LOC128092252: variants seen among roughly 807,000 people sequenced by gnomAD.
the LOC128092252 span, among the ~76,000 whole-genome samples, chr15:50,681,909 C>T: frequency 1.3e-5 from 2 of 152,050 alleles, no homozygotes; most frequent in Admixed American, 6.5e-5. Flanking sequence ...AAAGACTGTG[C>T]GGTGGCTCAC....
At chr15:50,657,892 T>C in the LOC128092252 span, 1 of 1,285,804 alleles carries the variant, frequency 7.8e-7, no homozygotes, top group Non-Finnish European at 1.1e-6. Flanking sequence ...ATAAAATACA[T>C]AAAATACAAA....
At chr15:50,679,165 C>G in the LOC128092252 span, among the ~76,000 whole-genome samples, 1 of 136,476 alleles carries the variant, frequency 7.3e-6, no homozygotes, top group African/African-American at 3.0e-5. Flanking sequence ...AACCACCGCA[C>G]CCAGTCAAAA....
chr15:50,663,273 C>T, the LOC128092252 span, among the ~76,000 whole-genome samples: 4 of 152,106 alleles, frequency 2.6e-5, no homozygotes, highest in Admixed American at 2.0e-4. Context: ...GCAGTACAGG[C>T]ATGTGCCACT....
the LOC128092252 span, among the ~76,000 whole-genome samples, chr15:50,668,330 C>T: frequency 6.6e-6 from 1 of 152,122 alleles, no homozygotes; most frequent in Non-Finnish European, 1.5e-5. Context: ...TTGCTTAAAA[C>T]GTCGCTGATC....
the LOC128092252 span, among the ~76,000 whole-genome samples, chr15:50,670,292 G>A: frequency 6.6e-6 from 1 of 152,134 alleles, no homozygotes; most frequent in South Asian, 2.1e-4. Flanking sequence ...TTGAATAGGG[G>A]CTGAGTAAAA....
At chr15:50,651,438 G>A in the LOC128092252 span, among the ~76,000 whole-genome samples, 7 of 152,088 alleles carry the variant, frequency 4.6e-5, no homozygotes, top group South Asian at 8.3e-4. Context: ...GAGGTCAGGA[G>A]ATCGAGACCA....
At chr15:50,678,356 G>A in the LOC128092252 span, among the ~76,000 whole-genome samples, 71 of 151,226 alleles carry the variant, frequency 4.7e-4, 1 homozygote, top group South Asian at 0.014. Context: ...TGACCAACAT[G>A]CCTGCCAAGG....
At chr15:50,653,016 T>A in the LOC128092252 span, among the ~76,000 whole-genome samples, 1,213 of 152,146 alleles carry the variant, frequency 8.0e-3, 20 homozygotes, top group African/African-American at 0.028. Context: ...CCAGGCATGG[T>A]GGCATGCACC....
At chr15:50,679,474 TTA>T in the LOC128092252 span, among the ~76,000 whole-genome samples, 66,658 of 120,672 alleles carry the variant, frequency 0.55, 19,319 homozygotes, top group Admixed American at 0.61. Flanking sequence ...TTTATTTCAT[TTA>T]TATATATATA....
the LOC128092252 span, among the ~76,000 whole-genome samples, chr15:50,669,732 T>C: frequency 2.5e-3 from 380 of 152,206 alleles, 2 homozygotes; most frequent in Non-Finnish European, 4.3e-3. Context: ...CAATTTAGGC[T>C]GACCTTGCTT....
the LOC128092252 span, among the ~76,000 whole-genome samples, chr15:50,654,087 A>G: frequency 6.6e-6 from 1 of 152,224 alleles, no homozygotes; most frequent in African/African-American, 2.4e-5. Flanking sequence ...AATTAATTTA[A>G]TCACCTGTCA....
chr15:50,686,518 G>C, the LOC128092252 span: 1 of 1,613,812 alleles, frequency 6.2e-7, no homozygotes, highest in Non-Finnish European at 8.5e-7. Context: ...CCGGGCCTGC[G>C]TGGGTCCAGT....
chr15:50,685,231 G>C, the LOC128092252 span, among the ~76,000 whole-genome samples: 375 of 152,358 alleles, frequency 2.5e-3, 2 homozygotes, highest in African/African-American at 8.6e-3. Context: ...GGGGGGCTGA[G>C]GCGGGCGGAT....
chr15:50,684,535 G>A, the LOC128092252 span, among the ~76,000 whole-genome samples: 1 of 152,018 alleles, frequency 6.6e-6, no homozygotes, highest in Non-Finnish European at 1.5e-5. Flanking sequence ...CAGCTACTCG[G>A]GAGGCTGAGG....
the LOC128092252 span, among the ~76,000 whole-genome samples, chr15:50,686,359 C>G: frequency 1.3e-5 from 2 of 152,224 alleles, no homozygotes; most frequent in Non-Finnish European, 2.9e-5. Context: ...GCCCCTCACC[C>G]CAGAACGAAC....
chr15:50,672,009 A>G, the LOC128092252 span, among the ~76,000 whole-genome samples: 1 of 152,090 alleles, frequency 6.6e-6, no homozygotes, highest in African/African-American at 2.4e-5. Context: ...TTACTAGACT[A>G]CGCTTTTTAT....
chr15:50,682,024 A>C, the LOC128092252 span, among the ~76,000 whole-genome samples: 1 of 152,142 alleles, frequency 6.6e-6, no homozygotes, highest in East Asian at 1.9e-4. Context: ...CTAAAAGTAC[A>C]AAAATTAGTC....
chr15:50,683,831 C>G, the LOC128092252 span, among the ~76,000 whole-genome samples: 1 of 152,068 alleles, frequency 6.6e-6, no homozygotes, highest in African/African-American at 2.4e-5. Flanking sequence ...GTACATAGTA[C>G]TATCTATGAG....
chr15:50,686,459 C>G, the LOC128092252 span: 1 of 1,613,254 alleles, frequency 6.2e-7, no homozygotes, highest in Non-Finnish European at 8.5e-7. Context: ...CACACACTTG[C>G]CTGCCAAGTC....
Sources: allele counts gnomAD v4.1 joint callset (sites outside exome capture counted in the v4.1 genomes callset), GRCh38; gene constraint gnomAD v4.1.1; transcripts MANE v1.5.